Variants in PRKG2 observed in about 807,000 individuals in gnomAD.
PRKG2 encodes the protein cGMP-dependent protein kinase 2.
In PRKG2, 33 loss-of-function variants were observed where a neutral mutation model predicts 97.2. That is an observed-to-expected ratio of 0.34 (90% confidence interval 0.26 to 0.45). The LOEUF (loss-of-function observed/expected upper bound fraction) is 0.45, where lower values mean the gene tolerates loss of function less well. Among genes scored for constraint, PRKG2 ranks in the 20% least tolerant of loss-of-function variants. The probability of loss-of-function intolerance (pLI) is 1.00; values close to 1 mark genes in which losing one functional copy is unlikely to be tolerated. For synonymous variants in PRKG2, 330 were observed against 321.8 expected (o/e 1.03, Z -0.27); for missense variants, 638 against 900.0 (o/e 0.71, Z 3.73).
At chr4:81,128,969 T>G (rs1176805543) in intron 14 of PRKG2, among the ~76,000 whole-genome samples, 2 of 152,244 alleles carry the variant, frequency 1.3e-5, no homozygotes, top group Non-Finnish European at 2.9e-5. Context: ...TTTAGTGCTA[T>G]AAATTTCCCT....
chr4:81,207,061 T>C (rs1753720119), intron 1 of PRKG2, among the ~76,000 whole-genome samples: 1 of 152,216 alleles, frequency 6.6e-6, no homozygotes, highest in South Asian at 2.1e-4. Flanking sequence ...TCTTATATAT[T>C]ATGAATGTAT....
intron 14 of PRKG2, among the ~76,000 whole-genome samples, chr4:81,114,099 C>G (rs1460789800): frequency 6.6e-6 from 1 of 152,032 alleles, no homozygotes; most frequent in Non-Finnish European, 1.5e-5. Flanking sequence ...TTTTTTGAGG[C>G]TCATCTCATA....
intron 6 of PRKG2, among the ~76,000 whole-genome samples, chr4:81,155,352 A>G (rs1359811867): frequency 6.6e-6 from 1 of 152,024 alleles, no homozygotes; most frequent in Non-Finnish European, 1.5e-5. Flanking sequence ...GAAATGAATG[A>G]AATGAAGCGA....
rs1249425584 is a variant in PRKG2 at position 81,135,308 on chromosome 4, T to C, written c.1635-12A>G. On this transcript the variant is annotated splice_polypyrimidine_tract_variant and intron_variant, in intron 13 of 18. Transcript: ENST00000264399. ...CATCAAAGCTGCCTCTGCAACGAAA[T>C]CATTTTCCCTCTTAATACTTTGGAT... is the stretch of plus-strand genomic sequence containing the variant. The C allele has an allele frequency of 1.2e-6, 2 of 1,611,382 alleles. No individual in the cohort carries two copies. Among genetic ancestry groups the C allele is most frequent in the South Asian group, 2.2e-5 (2 of 90,498 alleles).
chr4:81,089,521 T>C lies in PRKG2; in HGVS notation c.*187A>G, dbSNP rs1200046933. On this transcript the variant is annotated 3_prime_UTR_variant, in exon 19 of 19. Coordinates refer to ENST00000264399, the MANE Select transcript of PRKG2 (RefSeq NM_006259.3). ...TGTAATACATCAATAATTCACAGCA[T>C]CTAAATAAGACACTATAACTCAGAA... 4 of 453,730 alleles carry C rather than the reference T, an allele frequency of 8.8e-6. No individual in the cohort carries two copies. Among genetic ancestry groups the C allele is most frequent in the East Asian group, 3.4e-5 (1 of 29,530 alleles). The allele number at this position is 453,730 out of a possible 1,614,324, so 28.1% of individuals were successfully genotyped here.
Position 81,144,267 on chromosome 4 carries a change from T to G in PRKG2, c.1218A>C (p.Ala406=). 1 of 1,612,338 alleles carries G rather than the reference T, an allele frequency of 6.2e-7. No homozygotes were observed. The highest frequency in any genetic ancestry group is 8.5e-7 in the Non-Finnish European group (1 of 1,178,480). ...ELQKYLEGYV[A]NLNRDDEKRH... ...TTTTTTCATCATCACGGTTCAGGTT[T>G]GCCACATATCCTTCAAGGTATTTTT... is the stretch of plus-strand genomic sequence containing the variant. The change falls in exon 10 of 19, where the codon GCA becomes GCC. Residue 406 remains alanine (A), a synonymous_variant. Coordinates refer to ENST00000264399, the MANE Select transcript of PRKG2 (RefSeq NM_006259.3).
At chr4:81,197,232 G>C (rs369238457) in intron 2 of PRKG2, among the ~76,000 whole-genome samples, 1 of 152,028 alleles carries the variant, frequency 6.6e-6, no homozygotes, top group Non-Finnish European at 1.5e-5. Flanking sequence ...TGGGTATCTA[G>C]CAAGGAATGG....
intron 2 of PRKG2, among the ~76,000 whole-genome samples, chr4:81,203,031 T>C (rs1432487023): frequency 6.6e-6 from 1 of 151,854 alleles, no homozygotes; most frequent in Non-Finnish European, 1.5e-5. Context: ...TATACTTACG[T>C]GTACATATAT....
At chr4:81,157,428 G>A (rs1456361187) in intron 6 of PRKG2, among the ~76,000 whole-genome samples, 3 of 152,166 alleles carry the variant, frequency 2.0e-5, no homozygotes, top group Non-Finnish European at 4.4e-5. Context: ...TGAAATTGTG[G>A]CAATAATCAA....
At chr4:81,199,440 G>A (rs1269408491) in intron 2 of PRKG2, among the ~76,000 whole-genome samples, 3 of 152,110 alleles carry the variant, frequency 2.0e-5, no homozygotes, top group African/African-American at 7.2e-5. Flanking sequence ...TTATCTATAG[G>A]AATGAATAGA....
At chr4:81,093,169 A>C (rs561783064) in intron 17 of PRKG2, among the ~76,000 whole-genome samples, 3 of 151,314 alleles carry the variant, frequency 2.0e-5, no homozygotes, top group African/African-American at 7.3e-5. Flanking sequence ...CCCTTAACTC[A>C]TTTATCTTCT....
At chr4:81,112,963 AG>A (rs1480150156) in intron 14 of PRKG2, among the ~76,000 whole-genome samples, 1 of 152,182 alleles carries the variant, frequency 6.6e-6, no homozygotes, top group African/African-American at 2.4e-5. Context: ...AGACTCACTG[AG>A]GCGGTAGCAT....
rs150899623 is a variant in PRKG2 at position 81,190,456 on chromosome 4, G to T, written c.461+14131C>A. On this transcript the variant is annotated intron_variant, in intron 2 of 18. Transcript: ENST00000264399. ...AAAAAGTAACTCAAGATGCATTAAA[G>T]ACTTAAATATAAGACCTAAAACCAT... 9.8e-3 allele frequency among the ~76,000 whole-genome samples: 1,493 copies of T among 152,242 alleles called. 24 individuals carry two copies. Among genetic ancestry groups the T allele is most frequent in the African/African-American group, 0.034 (1,400 of 41,514 alleles).
chr4:81,125,942 T>C (rs1306688217), intron 14 of PRKG2, among the ~76,000 whole-genome samples: 1 of 152,174 alleles, frequency 6.6e-6, no homozygotes, highest in Non-Finnish European at 1.5e-5. Flanking sequence ...GTTTGTTACA[T>C]AGGTATACAC....
intron 17 of PRKG2, among the ~76,000 whole-genome samples, chr4:81,099,302 A>G (rs1300602836): frequency 6.6e-6 from 1 of 152,302 alleles, no homozygotes. Context: ...ACATTGATGC[A>G]AAAATCCTCA....
chr4:81,094,437 A>C (rs1278813203), intron 17 of PRKG2, among the ~76,000 whole-genome samples: 1 of 152,100 alleles, frequency 6.6e-6, no homozygotes, highest in Non-Finnish European at 1.5e-5. Context: ...TTTGTTTTTT[A>C]ATTCTAAGAA....
intron 17 of PRKG2, among the ~76,000 whole-genome samples, chr4:81,097,155 C>G (rs142060010): frequency 6.6e-6 from 1 of 151,994 alleles, no homozygotes; most frequent in Non-Finnish European, 1.5e-5. Flanking sequence ...AGAATGAGAC[C>G]CTCAAAAACA....
At chr4:81,205,153 G>C (rs1421211847) in intron 1 of PRKG2, 93 bp from the exon 2 acceptor site, 1 of 774,438 alleles carries the variant, frequency 1.3e-6, no homozygotes, top group East Asian at 2.7e-5. Context: ...TTCATAAATA[G>C]GAACACAGTA....
At chr4:81,201,642 T>A (rs1001608019) in intron 2 of PRKG2, among the ~76,000 whole-genome samples, 2 of 152,154 alleles carry the variant, frequency 1.3e-5, no homozygotes, top group East Asian at 3.9e-4. Flanking sequence ...TAAGCACAGG[T>A]ACCTTAGCAA....
Sources: gnomAD v4.1 joint callset for allele counts (sites outside exome capture counted in the v4.1 genomes callset) on GRCh38, gnomAD v4.1.1 for gene constraint, MANE v1.5 for transcripts, NCBI Gene and HGNC (gene_info 2026-07-23, HGNC 2026-07-21) for gene names.